Variants in GAS2 observed in about 807,000 individuals in gnomAD.
The protein encoded by GAS2 is growth arrest-specific protein 2.
GAS2 carries 20 observed loss-of-function variants against 37.5 expected under a neutral mutation model. The ratio of observed to expected loss-of-function variants is 0.53; its 90% CI spans 0.37 to 0.77. The LOEUF (loss-of-function observed/expected upper bound fraction) is 0.77, where lower values mean the gene tolerates loss of function less well. Among genes scored for constraint, GAS2 ranks in the 30% least tolerant of loss-of-function variants. The pLI, the probability that GAS2 is intolerant of heterozygous loss-of-function variation, is 0.00. For synonymous variants in GAS2, 144 were observed against 132.2 expected, an observed-to-expected ratio of 1.09 and a Z score of -0.61; for missense variants, 336 against 373.4, an observed-to-expected ratio of 0.90 and a Z score of 0.82.
chr11:22,750,429 C>A (rs1169586211), intron 6 of GAS2, among the ~76,000 whole-genome samples: 1 of 152,022 alleles, frequency 6.6e-6, no homozygotes, highest in Non-Finnish European at 1.5e-5. Context: ...ACCCTCATTT[C>A]TGTTAAGGGC....
chr11:22,647,342 T>C (rs1848709899), intron 1 of GAS2, among the ~76,000 whole-genome samples: 1 of 152,280 alleles, frequency 6.6e-6, no homozygotes, highest in South Asian at 2.1e-4. Context: ...CTTGGGTTGG[T>C]TCTAAGTCTT....
intron 7 of GAS2, among the ~76,000 whole-genome samples, chr11:22,793,109 A>C (rs1030158245): frequency 3.3e-5 from 5 of 152,042 alleles, no homozygotes; most frequent in African/African-American, 1.2e-4. Flanking sequence ...CCCCATCTCT[A>C]CTAAAAATAT....
chr11:22,791,826 T>G (rs7926714), intron 7 of GAS2, among the ~76,000 whole-genome samples: 1 of 151,978 alleles, frequency 6.6e-6, no homozygotes, highest in African/African-American at 2.4e-5. Context: ...GTTCTGTATA[T>G]GAGGCCCTTC....
chr11:22,734,138 C>G (rs78764231), intron 4 of GAS2, among the ~76,000 whole-genome samples: 6,649 of 151,720 alleles, frequency 0.044, 218 homozygotes, highest in Non-Finnish European at 0.07. Flanking sequence ...GTTATTTTAT[C>G]TTCTAAAATA....
intron 7 of GAS2, among the ~76,000 whole-genome samples, chr11:22,772,470 G>A (rs1378615223): frequency 6.6e-6 from 1 of 151,994 alleles, no homozygotes; most frequent in African/African-American, 2.4e-5. Flanking sequence ...CTTTTAAAGG[G>A]GTGTGTGTAT....
chr11:22,740,796 G>A (rs1481413737), intron 5 of GAS2, among the ~76,000 whole-genome samples: 1 of 152,120 alleles, frequency 6.6e-6, no homozygotes, highest in Non-Finnish European at 1.5e-5. Flanking sequence ...TTAAATTTGT[G>A]CTTCTCACAG....
chr11:22,638,756 A>C (rs1411799998), intron 1 of GAS2, among the ~76,000 whole-genome samples: 2 of 152,178 alleles, frequency 1.3e-5, no homozygotes, highest in Non-Finnish European at 2.9e-5. Flanking sequence ...ATTATATTCA[A>C]GGACATGCAC....
intron 7 of GAS2, among the ~76,000 whole-genome samples, chr11:22,797,546 C>A (rs528479864): frequency 6.6e-6 from 1 of 152,180 alleles, no homozygotes; most frequent in East Asian, 1.9e-4. Context: ...TGATTTATCA[C>A]TGGAGACAAT....
Position 22,749,103 on chromosome 11 carries a change from C to T in GAS2, c.474-17C>T, listed in dbSNP as rs758573185. On this transcript the variant is annotated splice_polypyrimidine_tract_variant and intron_variant, in intron 5 of 7. Coordinates refer to ENST00000454584, the MANE Select transcript of GAS2 (RefSeq NM_001143830.3). ...TTATAAGTTATGCATATGTAATGAT[C>T]CAGGGTCTTTTTAAAGGTATGGTGT... 1.9e-6 allele frequency: 3 copies of T among 1,601,444 alleles called. No individual in the cohort carries two copies. Among genetic ancestry groups the T allele is most frequent in the East Asian group, 2.2e-5 (1 of 44,520 alleles).
At chr11:22,688,237 C>A (rs570681270) in intron 3 of GAS2, 1 of 152,260 alleles carries the variant, frequency 6.6e-6, no homozygotes, top group East Asian at 1.9e-4. Flanking sequence ...GAGCATTGCA[C>A]AAAATAGGGC....
At chr11:22,632,106 G>A (rs968632877) in intron 1 of GAS2, among the ~76,000 whole-genome samples, 17 of 151,950 alleles carry the variant, frequency 1.1e-4, no homozygotes, top group African/African-American at 3.9e-4. Context: ...TAGTTTGTTT[G>A]CAAAGAGGTG....
chr11:22,739,072 A>G (rs948827604), intron 5 of GAS2, among the ~76,000 whole-genome samples: 2 of 152,170 alleles, frequency 1.3e-5, no homozygotes, highest in Non-Finnish European at 2.9e-5. Flanking sequence ...GCATAGTTCA[A>G]ACTTGTGGCA....
rs768692436 is a variant in GAS2, at chr11:22,685,822, G to A, written c.267+33G>A. On this transcript the variant is annotated intron_variant, in intron 3 of 7. Coordinates refer to ENST00000454584, the MANE Select transcript of GAS2 (RefSeq NM_001143830.3). ...ATCCCAATGCAAAAATCACTCTTAG[G>A]TGGTAGATTACATTTATAATTGCTT... 11 of 1,586,980 alleles carry A rather than the reference G, an allele frequency of 6.9e-6. No individual in the cohort carries two copies. The South Asian group carries it at 1.0e-4, about 15-fold the overall frequency.
intron 7 of GAS2, among the ~76,000 whole-genome samples, chr11:22,798,209 T>C (rs1444073154): frequency 2.0e-5 from 3 of 152,176 alleles, no homozygotes; most frequent in South Asian, 2.1e-4. Flanking sequence ...GTAAGAACCT[T>C]ATCATTATCA....
Position 22,644,404 on chromosome 11 carries a change from C to T in GAS2, c.-21+18591C>T, listed in dbSNP as rs554595024. ...AAATTCTTTCCAGTATTGTTTTTAT[C>T]AGTTAATTACCAAGTATAAAGGGAG... On this transcript the variant is annotated intron_variant, in intron 1 of 5. Coordinates refer to the GAS2 transcript ENST00000528582. Among the ~76,000 whole-genome samples, 38 of 152,074 alleles carry T rather than the reference C, an allele frequency of 2.5e-4. No homozygotes were observed. The South Asian group carries it at 7.1e-3, about 28-fold the overall frequency.
At chr11:22,679,875 T>C (rs767502019) in intron 2 of GAS2, among the ~76,000 whole-genome samples, 8 of 152,168 alleles carry the variant, frequency 5.3e-5, no homozygotes, top group Non-Finnish European at 8.8e-5. Context: ...ATTTTACTTA[T>C]ATTTAGAAAA....
chr11:22,757,765 C>A (rs774193225), intron 7 of GAS2, among the ~76,000 whole-genome samples: 2 of 151,942 alleles, frequency 1.3e-5, no homozygotes, highest in African/African-American at 4.8e-5. Context: ...AATTACAAAC[C>A]GAAACTATTT....
intron 1 of GAS2, among the ~76,000 whole-genome samples, chr11:22,655,268 G>T (rs1317446786): frequency 6.6e-6 from 1 of 152,180 alleles, no homozygotes; most frequent in Non-Finnish European, 1.5e-5. Context: ...CCCATGGAAT[G>T]TCATCTCTAT....
chr11:22,651,020 T>A (rs540420009), intron 1 of GAS2, among the ~76,000 whole-genome samples: 2 of 152,238 alleles, frequency 1.3e-5, no homozygotes, highest in Non-Finnish European at 2.9e-5. Flanking sequence ...GTCTTGTTGG[T>A]CTTTACATTT....
Sources: gnomAD v4.1 joint callset for allele counts (sites outside exome capture counted in the v4.1 genomes callset) on GRCh38, gnomAD v4.1.1 for gene constraint, MANE v1.5 for transcripts, NCBI Gene and HGNC (gene_info 2026-07-23, HGNC 2026-07-21) for gene names.